LINC00305: variants seen among roughly 807,000 people sequenced by gnomAD.
The protein encoded by LINC00305 is long independently transcribed non-coding RNA 305.
At chr18:64,130,152 C>CAAAATA (rs2051403042) in intron 1 of LINC00305, among the ~76,000 whole-genome samples, 1 of 151,932 alleles carries the variant, frequency 6.6e-6, no homozygotes, top group Non-Finnish European at 1.5e-5. Context: ...GGATGATAAG[C>CAAAATA]CAAAATAAAT....
chr18:64,120,119 G>A (rs538603644), intron 1 of LINC00305, among the ~76,000 whole-genome samples: 5 of 152,046 alleles, frequency 3.3e-5, no homozygotes, highest in African/African-American at 9.6e-5. Context: ...CACCAGAGGG[G>A]GCATCTTTCA....
chr18:64,086,987 G>A (rs1411149479), intron 3 of LINC00305, among the ~76,000 whole-genome samples: 1 of 152,174 alleles, frequency 6.6e-6, no homozygotes, highest in Non-Finnish European at 1.5e-5. Context: ...CAAGAGAAGG[G>A]AAAGAGAGGG....
chr18:64,107,490 C>T (rs1386709509), intron 1 of LINC00305, among the ~76,000 whole-genome samples: 6 of 152,178 alleles, frequency 3.9e-5, no homozygotes, highest in East Asian at 3.8e-4. Flanking sequence ...ATGATGGCTG[C>T]GTACAGAAGG....
chr18:64,089,841 C>G (rs2051218193), intron 3 of LINC00305, among the ~76,000 whole-genome samples: 2 of 152,192 alleles, frequency 1.3e-5, no homozygotes, highest in Non-Finnish European at 2.9e-5. Flanking sequence ...ACCATCAGAT[C>G]TCATGAGACT....
chr18:64,085,070 G>A (rs1466914112), intron 3 of LINC00305, among the ~76,000 whole-genome samples: 1 of 152,178 alleles, frequency 6.6e-6, no homozygotes, highest in Admixed American at 6.5e-5. Flanking sequence ...TGCATTCGAG[G>A]AGAGTTGACT....
intron 3 of LINC00305, among the ~76,000 whole-genome samples, chr18:64,094,158 A>T (rs773788659): frequency 6.6e-6 from 1 of 152,198 alleles, no homozygotes; most frequent in Non-Finnish European, 1.5e-5. Context: ...GGCCAAAATG[A>T]TAGCAAACTA....
At chr18:64,120,672 G>C (rs1366917336) in intron 1 of LINC00305, among the ~76,000 whole-genome samples, 1 of 152,066 alleles carries the variant, frequency 6.6e-6, no homozygotes, top group Non-Finnish European at 1.5e-5. Context: ...TCCTCCATTA[G>C]CCAGATTCTA....
At chr18:64,123,586 C>CA (rs1355488412) in intron 1 of LINC00305, among the ~76,000 whole-genome samples, 47 of 152,066 alleles carry the variant, frequency 3.1e-4, no homozygotes, top group Non-Finnish European at 1.5e-5. Flanking sequence ...TCACTTACCC[C>CA]AACCTTCCCC....
chr18:64,138,756 C>T (rs1336937752), intron 1 of LINC00305, among the ~76,000 whole-genome samples: 2 of 152,096 alleles, frequency 1.3e-5, no homozygotes, highest in African/African-American at 4.8e-5. Context: ...TACTTAATTT[C>T]GGACAGAATC....
chr18:64,091,857 C>T (rs2051226026), intron 3 of LINC00305, among the ~76,000 whole-genome samples: 1 of 152,196 alleles, frequency 6.6e-6, no homozygotes, highest in Non-Finnish European at 1.5e-5. Flanking sequence ...CACACCTACA[C>T]AGTTTTCCAG....
chr18:64,131,793 T>C (rs1318608119), intron 1 of LINC00305, among the ~76,000 whole-genome samples: 1 of 152,198 alleles, frequency 6.6e-6, no homozygotes, highest in Non-Finnish European at 1.5e-5. Flanking sequence ...ACAAGTCTCC[T>C]GTAGGTGGTT....
At chr18:64,082,603 C>T (rs1396186991) in intron 3 of LINC00305, among the ~76,000 whole-genome samples, 1 of 152,202 alleles carries the variant, frequency 6.6e-6, no homozygotes, top group African/African-American at 2.4e-5. Context: ...CAAAGCTTAA[C>T]CAGGAATTCA....
chr18:64,081,316 C>T (rs577732198), intron 3 of LINC00305, among the ~76,000 whole-genome samples: 1 of 152,304 alleles, frequency 6.6e-6, no homozygotes, highest in South Asian at 2.1e-4. Context: ...TCTTCTTGCT[C>T]ATTTCAATCT....
chr18:64,086,986 GGAAA>G (rs2051205873), intron 3 of LINC00305, among the ~76,000 whole-genome samples: 1 of 152,066 alleles, frequency 6.6e-6, no homozygotes, highest in Non-Finnish European at 1.5e-5. Flanking sequence ...GCAAGAGAAG[GGAAA>G]GAGAGGGTCT....
chr18:64,094,856 A>AAAATAAATAAATAAATAAAT (rs754074493), intron 3 of LINC00305, among the ~76,000 whole-genome samples: 5,092 of 120,758 alleles, frequency 0.042, 344 homozygotes, highest in African/African-American at 0.13. Flanking sequence ...TTCATCTCAA[A>AAAATAAATAAATAAATAAAT]AAATAAATAA....
At chr18:64,087,950 C>CA (rs2051209940) in intron 3 of LINC00305, among the ~76,000 whole-genome samples, 2 of 151,532 alleles carry the variant, frequency 1.3e-5, no homozygotes, top group African/African-American at 4.9e-5. Flanking sequence ...AAAAACAAAA[C>CA]AAACAGACAA....
chr18:64,085,330 C>G (rs781601768), intron 3 of LINC00305, among the ~76,000 whole-genome samples: 2 of 152,200 alleles, frequency 1.3e-5, no homozygotes, highest in Non-Finnish European at 2.9e-5. Flanking sequence ...ACCTATTTTC[C>G]ATAGGAAGTC....
chr18:64,106,416 CA>C lies in LINC00305; in HGVS notation n.315-7777del, dbSNP rs903310340. Among the ~76,000 whole-genome samples, 6 of 152,158 alleles carry C rather than the reference CA, an allele frequency of 3.9e-5. 1 individual carries two copies. Among genetic ancestry groups the C allele is most frequent in the Non-Finnish European group, 7.3e-5 (5 of 68,034 alleles). ...GCTATTTCACTCATTTCCACCTTTA[CA>C]AACTTAGATCTATTTTGTCACCACC... is the stretch of plus-strand genomic sequence containing the variant. On this transcript the variant is annotated intron_variant and non_coding_transcript_variant, in intron 1 of 3. Coordinates refer to ENST00000666468, the Ensembl canonical transcript of LINC00305.
At chr18:64,135,966 C>A (rs149642144) in intron 1 of LINC00305, among the ~76,000 whole-genome samples, 1 of 152,092 alleles carries the variant, frequency 6.6e-6, no homozygotes, top group East Asian at 1.9e-4. Flanking sequence ...TGGGGAGGGA[C>A]GGACGTGGAG....
Sources: gnomAD v4.1 joint callset for allele counts (sites outside exome capture counted in the v4.1 genomes callset) on GRCh38, gnomAD v4.1.1 for gene constraint, MANE v1.5 for transcripts, NCBI Gene and HGNC (gene_info 2026-07-23, HGNC 2026-07-21) for gene names.